Variants in AGO3 observed in about 807,000 individuals in gnomAD.
AGO3 encodes the protein protein argonaute-3.
A neutral mutation model predicts 105.5 loss-of-function variants in AGO3; 16 were observed. That is an observed-to-expected ratio of 0.15 (90% CI 0.10 to 0.23). AGO3 has a LOEUF of 0.23. Among genes scored for constraint, AGO3 ranks in the 10% least tolerant of loss-of-function variants. AGO3 has a pLI of 1.00. For synonymous variants in AGO3, 340 were observed against 367.3 expected (o/e 0.93, Z 0.85); for missense variants, 534 against 1,088.0 (o/e 0.49, Z 7.16).
At chr1:36,054,840 C>A in intron 17 of AGO3, 106 bp from the exon 18 acceptor site, 1 of 1,053,060 alleles carries the variant, frequency 9.5e-7, no homozygotes, top group Non-Finnish European at 1.4e-6. Context: ...TGAGATCACG[C>A]CATTGCACTT....
chr1:35,994,884 A>G lies in AGO3; in HGVS notation c.659-9457A>G, dbSNP rs555792933. ...GGTGTTCTTGGACCAGAAGTCTCAAATTGTTAAGAATTTCATTCTCCCCAA... is the reference window on the plus strand; with the variant it reads ...GGTGTTCTTGGACCAGAAGTCTCAAGTTGTTAAGAATTTCATTCTCCCCAA... On this transcript the variant is annotated intron_variant, in intron 5 of 18. Transcript: ENST00000373191. Among the ~76,000 whole-genome samples, 3 of 152,270 alleles carry G rather than the reference A, an allele frequency of 2.0e-5. No individual in the cohort carries two copies. The South Asian group carries it at 6.2e-4, about 32-fold the overall frequency.
At chr1:35,938,384 G>A (rs58125278) in intron 1 of AGO3, among the ~76,000 whole-genome samples, 10,264 of 152,192 alleles carry the variant, frequency 0.067, 414 homozygotes, top group South Asian at 0.15. Flanking sequence ...ATGAAAGTAT[G>A]ATCCTATCCT....
Position 36,008,728 on chromosome 1 carries a change from C to T in AGO3, c.832C>T (p.Arg278Trp). 1 of 1,613,982 alleles carries T rather than the reference C, an allele frequency of 6.2e-7. No individual in the cohort carries two copies. The highest frequency in any genetic ancestry group is 8.5e-7 in the Non-Finnish European group (1 of 1,180,028). The change falls in exon 7 of 19, where the codon CGG becomes TGG. Residue 278 changes from arginine (R) to tryptophan (W), a missense_variant. Around this residue, in one of 2 missense-constraint regions of AGO3, gnomAD observed 373 missense variants for 854.0 expected, o/e 0.44. Transcript: ENST00000373191. The surrounding 1 kb of genome is among the most constrained non-coding windows in gnomAD (Gnocchi z 5.1). Reference protein sequence around the residue: ...VEVTHCGTMRRKYRVCNVTRR... With the variant: ...VEVTHCGTMRWKYRVCNVTRR... Reference sequence around the variant, plus strand: ...AGTGACTCATTGTGGAACAATGAGACGGAAATACCGTGTTTGTAATGTAAC... The same window carrying T: ...AGTGACTCATTGTGGAACAATGAGATGGAAATACCGTGTTTGTAATGTAAC...
chr1:35,938,262 G>T (rs1646188398), intron 1 of AGO3, among the ~76,000 whole-genome samples: 1 of 152,016 alleles, frequency 6.6e-6, no homozygotes, highest in South Asian at 2.1e-4. Flanking sequence ...GGGATTACAG[G>T]TATGAGCCAC....
chr1:36,047,911 C>T (rs1642543157), intron 17 of AGO3, among the ~76,000 whole-genome samples: 1 of 151,642 alleles, frequency 6.6e-6, no homozygotes, highest in Admixed American at 6.6e-5. Context: ...TGAAAACTTC[C>T]CAAATCTGGG....
At chr1:35,971,508 T>C (rs962957551) in intron 3 of AGO3, among the ~76,000 whole-genome samples, 2 of 151,926 alleles carry the variant, frequency 1.3e-5, no homozygotes, top group African/African-American at 4.8e-5. Context: ...GCTTCCAAAT[T>C]TCAAAAGTAT....
At chr1:36,025,625 G>A (rs1428256135) in intron 11 of AGO3, among the ~76,000 whole-genome samples, 1 of 152,184 alleles carries the variant, frequency 6.6e-6, no homozygotes, top group African/African-American at 2.4e-5. Context: ...AGGAATCAGA[G>A]TGTTTTGGGC....
At chr1:36,019,035 T>C (rs368784365) in intron 11 of AGO3, among the ~76,000 whole-genome samples, 11 of 152,114 alleles carry the variant, frequency 7.2e-5, no homozygotes, top group African/African-American at 2.7e-4. Context: ...AAACCCAAGC[T>C]TCAGGGTCCT....
chr1:35,961,902 C>CT (rs1646683280), intron 2 of AGO3, among the ~76,000 whole-genome samples: 1 of 152,144 alleles, frequency 6.6e-6, no homozygotes, highest in Non-Finnish European at 1.5e-5. Flanking sequence ...TTGAGATTCT[C>CT]TAATTTGTTC....
chr1:35,963,236 T>A (rs1323773964), intron 2 of AGO3, among the ~76,000 whole-genome samples: 2 of 152,218 alleles, frequency 1.3e-5, no homozygotes, highest in African/African-American at 2.4e-5. Flanking sequence ...AAAGATACTG[T>A]GAATCTGCAA....
At chr1:35,982,308 A>G (rs1354301819) in intron 5 of AGO3, among the ~76,000 whole-genome samples, 1 of 152,208 alleles carries the variant, frequency 6.6e-6, no homozygotes, top group African/African-American at 2.4e-5. Context: ...TTGTTTAAAG[A>G]AATCACAGAG....
intron 2 of AGO3, among the ~76,000 whole-genome samples, chr1:35,966,374 G>A (rs556612383): frequency 1.3e-5 from 2 of 152,208 alleles, no homozygotes; most frequent in South Asian, 2.1e-4. Flanking sequence ...GAATATATAA[G>A]TATTGAATAT....
chr1:35,986,918 C>A (rs924709115), intron 5 of AGO3, among the ~76,000 whole-genome samples: 4 of 151,806 alleles, frequency 2.6e-5, no homozygotes, highest in African/African-American at 7.3e-5. Flanking sequence ...ATCACTTGAA[C>A]CCAGAAGGCA....
intron 4 of AGO3, 89 bp downstream of exon 4, chr1:35,972,321 T>C: frequency 1.5e-6 from 2 of 1,359,746 alleles, no homozygotes; most frequent in Middle Eastern, 5.1e-4. Flanking sequence ...TTATTTGTCA[T>C]ATATTTTGAT....
At chr1:36,007,702 A>C (rs913795562) in intron 6 of AGO3, among the ~76,000 whole-genome samples, 6 of 152,066 alleles carry the variant, frequency 3.9e-5, no homozygotes, top group African/African-American at 1.2e-4. Flanking sequence ...AAAAAAAAAA[A>C]ACCTAAATAA....
intron 11 of AGO3, among the ~76,000 whole-genome samples, chr1:36,019,287 T>G (rs900072721): frequency 6.6e-6 from 1 of 152,224 alleles, no homozygotes. Flanking sequence ...GCATAAGCCT[T>G]CCAGTGACTA....
At chr1:36,033,577 C>T (rs1261157211) in intron 12 of AGO3, among the ~76,000 whole-genome samples, 1 of 145,838 alleles carries the variant, frequency 6.9e-6, no homozygotes, top group East Asian at 2.0e-4. Context: ...CTCAGGAGGT[C>T]GAGACTACAG....
At chr1:36,048,004 G>A (rs1024200618) in intron 17 of AGO3, among the ~76,000 whole-genome samples, 2 of 152,176 alleles carry the variant, frequency 1.3e-5, no homozygotes, top group African/African-American at 4.8e-5. Flanking sequence ...AAGGAACATT[G>A]TAGTCAAATT....
intron 11 of AGO3, among the ~76,000 whole-genome samples, chr1:36,020,933 T>A (rs576347777): frequency 1.3e-5 from 2 of 151,672 alleles, no homozygotes; most frequent in East Asian, 1.9e-4. Flanking sequence ...TTACTTTATT[T>A]ATTTATTTAT....
Sources: allele counts gnomAD v4.1 joint callset (sites outside exome capture counted in the v4.1 genomes callset), GRCh38; gene constraint gnomAD v4.1.1; regional missense constraint gnomAD v4.1.1; non-coding constraint Gnocchi (gnomAD v3.1); transcripts MANE v1.5; gene names NCBI Gene and HGNC (gene_info 2026-07-23, HGNC 2026-07-21).